The following TLL2 variants were observed in gnomAD, a reference collection of about 807,000 sequenced individuals.
TLL2 encodes tolloid-like protein 2.
A neutral mutation model predicts 123.0 loss-of-function variants in TLL2; 106 were observed. The ratio of observed to expected loss-of-function variants is 0.86; its 90% confidence interval spans 0.74 to 1.01. The LOEUF (loss-of-function observed/expected upper bound fraction) is 1.01. TLL2 is among the 50% of genes least tolerant of loss of function. TLL2 has a pLI of 0.00. For missense variants in TLL2, 1,332 were observed against 1,336.7 expected, an observed-to-expected ratio of 1.00 and a Z score of 0.06; for synonymous variants, 494 against 516.8, an observed-to-expected ratio of 0.96 and a Z score of 0.60.
intron 10 of TLL2, among the ~76,000 whole-genome samples, chr10:96,401,291 C>T (rs763905429): frequency 1.4e-4 from 22 of 152,160 alleles, no homozygotes; most frequent in African/African-American, 3.9e-4. Flanking sequence ...CACCCTAATC[C>T]GCTCTCCCTC....
intron 1 of TLL2, among the ~76,000 whole-genome samples, chr10:96,495,242 G>A (rs1393498734): frequency 2.0e-5 from 3 of 152,160 alleles, no homozygotes; most frequent in Non-Finnish European, 2.9e-5. Context: ...CTGAGGTGGG[G>A]TGGAGGGGCC....
chr10:96,443,146 G>A (rs368462616), intron 3 of TLL2, among the ~76,000 whole-genome samples: 8 of 152,196 alleles, frequency 5.3e-5, no homozygotes, highest in African/African-American at 1.7e-4. Context: ...GGGGAAGGTG[G>A]TAGATAGTCT....
rs1440248422 is a variant in TLL2, at chr10:96,383,833, A to T, written c.2194+754T>A. Among the ~76,000 whole-genome samples the T allele has an allele frequency of 6.8e-5, 10 of 146,256 alleles. No individual in the cohort carries two copies. The East Asian group carries it at 1.8e-3, about 26-fold the overall frequency. On this transcript the variant is annotated intron_variant, in intron 16 of 20. Coordinates refer to ENST00000357947, the MANE Select transcript of TLL2 (RefSeq NM_012465.4). ...TTTTTAGTAGAGACGGCGTTTCACC[A>T]TGTTGGCCAGGCTGGTCTAGAACTC...
At position 96,486,193 on chromosome 10, in the gene TLL2, G is replaced by A. The variant is rs185047887; in HGVS notation, c.176-5734C>T. Among the ~76,000 whole-genome samples, 701 of 152,232 alleles carry A rather than the reference G, an allele frequency of 4.6e-3. 3 individuals are homozygous for A. Among genetic ancestry groups the A allele is most frequent in the Non-Finnish European group, 6.7e-3 (459 of 68,018 alleles). On this transcript the variant is annotated intron_variant, in intron 1 of 20. Coordinates refer to ENST00000357947, the MANE Select transcript of TLL2 (RefSeq NM_012465.4). ...GAAAATAATAAGTATTTTATAAGAC[G>A]AGGATTGACTATACGTGGAATAAAT... is the stretch of plus-strand genomic sequence containing the variant.
At chr10:96,450,877 C>G (rs1422093626) in intron 2 of TLL2, among the ~76,000 whole-genome samples, 3 of 152,074 alleles carry the variant, frequency 2.0e-5, no homozygotes, top group African/African-American at 7.2e-5. Context: ...ACATATATAT[C>G]CCCATATTTG....
chr10:96,380,979 A>G lies in TLL2; in HGVS notation c.2195-1887T>C, dbSNP rs575162889. On this transcript the variant is annotated intron_variant, in intron 16 of 20. Transcript: ENST00000357947. Reference sequence around the variant, plus strand: ...GCAACAAGAGCGACACTCTGTCTCCAAAAAAAAAAAAAAAGAATGCAGAAG... The same window carrying G: ...GCAACAAGAGCGACACTCTGTCTCCGAAAAAAAAAAAAAAGAATGCAGAAG... Among the ~76,000 whole-genome samples the G allele has an allele frequency of 9.3e-5, 13 of 139,586 alleles. No individual in the cohort carries two copies. The Admixed American group carries it at 9.4e-4, about 10-fold the overall frequency. 91.6% of individuals were successfully genotyped at this position (139,586 alleles called of 152,430 possible).
intron 1 of TLL2, among the ~76,000 whole-genome samples, chr10:96,490,756 T>C (rs1847404573): frequency 6.6e-6 from 1 of 152,218 alleles, no homozygotes; most frequent in Non-Finnish European, 1.5e-5. Flanking sequence ...CCTCTTCCAC[T>C]ACCAATCCCA....
At chr10:96,402,936 C>A (rs115514224) in intron 10 of TLL2, among the ~76,000 whole-genome samples, 2,482 of 152,250 alleles carry the variant, frequency 0.016, 55 homozygotes, top group African/African-American at 0.057. Context: ...CCATCTTGGC[C>A]AACCACCCGA....
chr10:96,500,963 TAG>T (rs1206818542), intron 1 of TLL2, among the ~76,000 whole-genome samples: 1 of 152,182 alleles, frequency 6.6e-6, no homozygotes, highest in Non-Finnish European at 1.5e-5. Context: ...TTTATTGTCA[TAG>T]AGAGAGGTTC....
intron 2 of TLL2, among the ~76,000 whole-genome samples, chr10:96,476,216 T>TCATATATATATATA (rs1554939587): frequency 1.2e-4 from 4 of 33,352 alleles, no homozygotes; most frequent in African/African-American, 3.5e-4. Flanking sequence ...CTTTTTAATT[T>TCATATATATATATA]TATATGTATA....
intron 1 of TLL2, among the ~76,000 whole-genome samples, chr10:96,499,414 C>T (rs1564920085): frequency 6.6e-6 from 1 of 152,114 alleles, no homozygotes; most frequent in Non-Finnish European, 1.5e-5. Context: ...TTAGTGTTCC[C>T]TTTACCTCTT....
In TLL2 at chr10:96,428,735, G is replaced by A; in HGVS notation, c.534C>T (p.Ala178=). The part of the protein sequence containing the change: ...IGGNFTGSQR[A]IFKQAMRHWE... The stretch of plus-strand genomic sequence containing the variant: ...AGTGTCTCATGGCCTGCTTAAAAAT[G>A]GCCCTCTGGCTCCCTGAAACAACAG... The change falls in exon 5 of 21, where the codon GCC becomes GCT. Residue 178 remains alanine, a synonymous_variant. Coordinates refer to ENST00000357947, the MANE Select transcript of TLL2 (RefSeq NM_012465.4). 6.2e-7 allele frequency: 1 copy of A among 1,612,710 alleles called. No homozygotes were observed. Among genetic ancestry groups the A allele is most frequent in the Non-Finnish European group, 8.5e-7 (1 of 1,179,182 alleles).
At chr10:96,445,114 A>G (rs866520948) in intron 3 of TLL2, among the ~76,000 whole-genome samples, 16 of 152,176 alleles carry the variant, frequency 1.1e-4, no homozygotes, top group South Asian at 4.2e-4. Flanking sequence ...GCGTGAACCC[A>G]GGAGGCGGAG....
chr10:96,487,626 G>T (rs1847370218), intron 1 of TLL2, among the ~76,000 whole-genome samples: 1 of 152,102 alleles, frequency 6.6e-6, no homozygotes, highest in Non-Finnish European at 1.5e-5. Flanking sequence ...GTTAACACTG[G>T]ATTGTACACA....
At chr10:96,497,101 C>T (rs968092374) in intron 1 of TLL2, among the ~76,000 whole-genome samples, 5 of 151,158 alleles carry the variant, frequency 3.3e-5, no homozygotes, top group Admixed American at 1.3e-4. Flanking sequence ...GGAAACATAG[C>T]GAAACCCTGT....
rs148838424 is a variant in TLL2, at chr10:96,500,860, G to C, written c.175+12651C>G. On this transcript the variant is annotated intron_variant, in intron 1 of 20. Coordinates refer to ENST00000357947, the MANE Select transcript of TLL2 (RefSeq NM_012465.4). ...AAAAAATCTGTATGTCCAACAATAG[G>C]AGATTGCTTAAATAAATTATGGTGC... Among the ~76,000 whole-genome samples, 31 of 152,240 alleles carry C rather than the reference G, an allele frequency of 2.0e-4. 1 individual carries two copies. The East Asian group carries it at 4.6e-3, about 23-fold the overall frequency.
chr10:96,471,111 C>T (rs778042147), intron 2 of TLL2, among the ~76,000 whole-genome samples: 1 of 152,186 alleles, frequency 6.6e-6, no homozygotes. Context: ...AGTGATTCTC[C>T]TGCCTCAGCC....
chr10:96,484,545 C>A (rs1230408249), intron 1 of TLL2, among the ~76,000 whole-genome samples: 1 of 151,120 alleles, frequency 6.6e-6, no homozygotes, highest in African/African-American at 2.4e-5. Context: ...ATTGCCTATT[C>A]TGGAAACCTG....
chr10:96,440,975 G>A (rs984614004), intron 3 of TLL2, among the ~76,000 whole-genome samples: 3 of 152,150 alleles, frequency 2.0e-5, no homozygotes, highest in Non-Finnish European at 2.9e-5. Flanking sequence ...ATGGCCAAGA[G>A]TCCTGCATTT....
Sources: allele counts gnomAD v4.1 joint callset (sites outside exome capture counted in the v4.1 genomes callset), GRCh38; gene constraint gnomAD v4.1.1; transcripts MANE v1.5; gene names NCBI Gene and HGNC (gene_info 2026-07-23, HGNC 2026-07-21).